The following ANKRD30B variants were observed in gnomAD, a reference collection of about 807,000 sequenced individuals.
ANKRD30B encodes the protein ankyrin repeat domain 30B.
Under a neutral mutation model 202.2 loss-of-function variants are expected in ANKRD30B, and 144 were observed. The ratio of observed to expected loss-of-function variants is 0.71; its 90% CI spans 0.62 to 0.82. The LOEUF (loss-of-function observed/expected upper bound fraction) is 0.82. Among genes scored for constraint, ANKRD30B ranks in the 40% least tolerant of loss-of-function variants. The pLI is 0.00. For synonymous variants in ANKRD30B, 508 were observed against 561.3 expected, an observed-to-expected ratio of 0.91 and a Z score of 1.34; for missense variants, 1,487 against 1,669.1, an observed-to-expected ratio of 0.89 and a Z score of 1.90.
chr18:14,912,126 T>C, the ANKRD30B span, among the ~76,000 whole-genome samples: 1 of 152,196 alleles, frequency 6.6e-6, no homozygotes, highest in Non-Finnish European at 1.5e-5. Flanking sequence ...TTTTGTCTTA[T>C]TCCTCTGGCA....
At chr18:14,926,120 A>G in the ANKRD30B span, among the ~76,000 whole-genome samples, 4 of 152,332 alleles carry the variant, frequency 2.6e-5, no homozygotes, top group Non-Finnish European at 5.9e-5. Context: ...AGCGAGGAAG[A>G]CCACATTTTG....
At chr18:14,769,218 T>A in intron 7 of ANKRD30B, 125 bp from the exon 8 acceptor site, 4 of 676,456 alleles carry the variant, frequency 5.9e-6, no homozygotes, top group Non-Finnish European at 9.6e-6. Context: ...GCGATCCTCC[T>A]GCCTCACCTT....
In ANKRD30B at chr18:14,799,083, A is replaced by G. The variant is rs745471264; in HGVS notation, c.2030-18A>G. The G allele has an allele frequency of 1.1e-5, 17 of 1,563,242 alleles. No homozygotes were observed. The highest frequency in any genetic ancestry group is 1.7e-5 in the Admixed American group (1 of 59,772). On this transcript the variant is annotated intron_variant, in intron 20 of 43. Coordinates refer to ENST00000690538, the MANE Select transcript of ANKRD30B (RefSeq NM_001367607.2). ...CAAGCTTGCATATAATCAATTATAT[A>G]TGTCCCTTTTCTTTTAGAGTCTCCT... is the stretch of plus-strand genomic sequence containing the variant.
the ANKRD30B span, among the ~76,000 whole-genome samples, chr18:14,909,302 G>A: frequency 6.6e-6 from 1 of 152,196 alleles, no homozygotes; most frequent in East Asian, 1.9e-4. Context: ...CCAGTGTGGG[G>A]AAGGCAGTGA....
At chr18:14,854,913 TTTATTA>T (rs1236489969), downstream of ANKRD30B, among the ~76,000 whole-genome samples, 2 of 151,936 alleles carry the variant, frequency 1.3e-5, no homozygotes, top group East Asian at 1.9e-4. Flanking sequence ...CTATGCTTTT[TTTATTA>T]TTATTTATTG....
At chr18:14,896,332 C>T in the ANKRD30B span, among the ~76,000 whole-genome samples, 5 of 152,012 alleles carry the variant, frequency 3.3e-5, no homozygotes, top group East Asian at 5.8e-4. Context: ...GAGGTTTCAC[C>T]GTGTTAGCCA....
intron 5 of ANKRD30B, 69 bp downstream of exon 5, chr18:14,758,021 G>A (rs181814095): frequency 1.3e-6 from 2 of 1,490,420 alleles, no homozygotes; most frequent in Admixed American, 4.3e-5. Context: ...GAAAGACAGT[G>A]ACTTAGTTCA....
At chr18:14,756,501 TTG>T (rs1301063286) in intron 4 of ANKRD30B, among the ~76,000 whole-genome samples, 1 of 152,214 alleles carries the variant, frequency 6.6e-6, no homozygotes, top group East Asian at 1.9e-4. Context: ...CTGAATGGTA[TTG>T]CCTAGGTTTT....
chr18:14,849,694 A>G (rs1971803643), intron 40 of ANKRD30B, among the ~76,000 whole-genome samples: 1 of 151,730 alleles, frequency 6.6e-6, no homozygotes. Flanking sequence ...AAGAAACAAA[A>G]GGCATATGGG....
At chr18:14,807,822 G>C (rs1335594079) in intron 24 of ANKRD30B, among the ~76,000 whole-genome samples, 3 of 151,066 alleles carry the variant, frequency 2.0e-5, no homozygotes, top group Non-Finnish European at 3.0e-5. Context: ...ATGAGCCACG[G>C]CACCTGGACT....
In ANKRD30B at chr18:14,808,335, G is replaced by A. The variant is rs755203825; in HGVS notation, c.2285-216G>A. On this transcript the variant is annotated intron_variant, in intron 24 of 43. Coordinates refer to ENST00000690538, the MANE Select transcript of ANKRD30B (RefSeq NM_001367607.2). ...TATTTTGACTGTTGAAATCTTCATA[G>A]CACGTTTGATGAAATTTATTTTTTA... is the stretch of plus-strand genomic sequence containing the variant. 3.1e-4 allele frequency: 178 copies of A among 574,976 alleles called. 3 individuals carry two copies. Among genetic ancestry groups the A allele is most frequent in the Admixed American group, 1.4e-4 (6 of 44,004 alleles). The allele number at this position is 574,976 out of a possible 1,614,324, so 35.6% of individuals were successfully genotyped here. A position where few individuals can be genotyped will look rare whatever the true frequency, so the allele number is the denominator to read the frequency against.
intron 24 of ANKRD30B, among the ~76,000 whole-genome samples, chr18:14,804,537 A>G (rs534481505): frequency 6.6e-6 from 1 of 150,424 alleles, no homozygotes; most frequent in Non-Finnish European, 1.5e-5. Flanking sequence ...GTAAGTTGTC[A>G]GGCGATGCTG....
the ANKRD30B span, among the ~76,000 whole-genome samples, chr18:14,910,781 C>T: frequency 1.3e-5 from 2 of 152,096 alleles, no homozygotes. Flanking sequence ...GCATCCTAGC[C>T]AACATCTATT....
In ANKRD30B at chr18:14,799,452, G is replaced by C. The variant is rs150065739; in HGVS notation, c.2131+157G>C. ...CATTAGTATTCATGTTTGAGAAAATGCCATTTACAAGCATAAGAAATAGGG... is the reference window on the plus strand; with the variant it reads ...CATTAGTATTCATGTTTGAGAAAATCCCATTTACAAGCATAAGAAATAGGG... On this transcript the variant is annotated intron_variant, in intron 22 of 43. Coordinates refer to ENST00000690538, the MANE Select transcript of ANKRD30B (RefSeq NM_001367607.2). 5.6e-3 allele frequency among the ~76,000 whole-genome samples: 848 copies of C among 152,174 alleles called. 7 individuals carry two copies. The highest frequency in any genetic ancestry group is 0.02 in the African/African-American group (821 of 41,528).
intron 30 of ANKRD30B, among the ~76,000 whole-genome samples, chr18:14,817,713 A>G (rs545156338): frequency 6.6e-6 from 1 of 152,338 alleles, no homozygotes; most frequent in South Asian, 2.1e-4. Flanking sequence ...ACCTAAAACA[A>G]ACAGATGTAT....
At chr18:14,866,778 C>G in the ANKRD30B span, among the ~76,000 whole-genome samples, 1 of 151,720 alleles carries the variant, frequency 6.6e-6, no homozygotes, top group Non-Finnish European at 1.5e-5. Flanking sequence ...GGCAGTGGGG[C>G]AGGTTCACTG....
intron 7 of ANKRD30B, among the ~76,000 whole-genome samples, chr18:14,766,488 A>AGAAAGAAAAGAAAAG (rs1555646729): frequency 1.4e-5 from 1 of 71,370 alleles, no homozygotes; most frequent in African/African-American, 4.4e-5. Flanking sequence ...AAAAAAAAAA[A>AGAAAGAAAAGAAAAG]AAAAAAAAAG....
chr18:14,897,022 G>C, the ANKRD30B span, among the ~76,000 whole-genome samples: 19 of 150,142 alleles, frequency 1.3e-4, no homozygotes, highest in Non-Finnish European at 2.2e-4. Flanking sequence ...AAGTGGCCAA[G>C]GGAGGATGTG....
chr18:14,867,373 G>A, the ANKRD30B span, among the ~76,000 whole-genome samples: 2 of 151,550 alleles, frequency 1.3e-5, no homozygotes, highest in Non-Finnish European at 2.9e-5. Context: ...GCAGCAGGTT[G>A]TGGAGGTGGC....
Sources: allele counts gnomAD v4.1 joint callset (sites outside exome capture counted in the v4.1 genomes callset), GRCh38; gene constraint gnomAD v4.1.1; transcripts MANE v1.5; gene names NCBI Gene and HGNC (gene_info 2026-07-23, HGNC 2026-07-21).